MYO3A: variants seen among roughly 807,000 people sequenced by gnomAD.
MYO3A encodes myosin-IIIa.
Under a neutral mutation model 192.7 loss-of-function variants are expected in MYO3A, and 180 were observed. That is an observed-to-expected ratio of 0.93 (90% CI 0.83 to 1.06). The LOEUF is 1.06. Among genes scored for constraint, MYO3A ranks in the 50% least tolerant of loss-of-function variants. MYO3A has a pLI of 0.00. For missense variants in MYO3A, 1,896 were observed against 1,905.0 expected (o/e 1.00, Z 0.09); for synonymous variants, 628 against 645.3 (o/e 0.97, Z 0.41).
intron 20 of MYO3A, among the ~76,000 whole-genome samples, chr10:26,132,196 C>G (rs543047065): frequency 6.6e-6 from 1 of 152,060 alleles, no homozygotes; most frequent in Non-Finnish European, 1.5e-5. Flanking sequence ...GGTTTTCTTC[C>G]GTCGGAAAGG....
At chr10:26,154,093 A>G (rs1159870039) in intron 24 of MYO3A, among the ~76,000 whole-genome samples, 164 bp downstream of exon 24, 1 of 152,168 alleles carries the variant, frequency 6.6e-6, no homozygotes, top group African/African-American at 2.4e-5. Flanking sequence ...TGTTACTGCT[A>G]GGGGCTAAAA....
chr10:26,024,144 TCTC>T, intron 9 of MYO3A, 57 bp downstream of exon 9: 1 of 1,463,514 alleles, frequency 6.8e-7, no homozygotes, highest in African/African-American at 1.4e-5. Flanking sequence ...TATAACTAAA[TCTC>T]CTCCTATTTC....
chr10:26,099,462 T>C (rs566969396), intron 17 of MYO3A, among the ~76,000 whole-genome samples: 1 of 152,308 alleles, frequency 6.6e-6, no homozygotes, highest in Non-Finnish European at 1.5e-5. Flanking sequence ...ATAGGAGTGG[T>C]GAGAGAGGGC....
intron 26 of MYO3A, among the ~76,000 whole-genome samples, chr10:26,158,275 C>T (rs1396832946): frequency 2.7e-5 from 4 of 148,364 alleles, no homozygotes; most frequent in African/African-American, 5.0e-5. Flanking sequence ...TTTTTTGAGA[C>T]GGAGTCTGGC....
At chr10:26,192,184 G>T (rs2132144785) in intron 31 of MYO3A, among the ~76,000 whole-genome samples, 1 of 152,312 alleles carries the variant, frequency 6.6e-6, no homozygotes, top group East Asian at 1.9e-4. Context: ...ATCACCAGAG[G>T]CTCTGACGGT....
At chr10:25,968,225 T>G (rs1838383119) in intron 4 of MYO3A, among the ~76,000 whole-genome samples, 1 of 152,224 alleles carries the variant, frequency 6.6e-6, no homozygotes, top group African/African-American at 2.4e-5. Flanking sequence ...GCCACTGGTT[T>G]GTCATCAAAT....
intron 4 of MYO3A, among the ~76,000 whole-genome samples, chr10:25,985,953 C>A (rs749268159): frequency 6.6e-6 from 1 of 152,094 alleles, no homozygotes; most frequent in Non-Finnish European, 1.5e-5. Context: ...TGCAAAAATC[C>A]TCAACAAAAT....
intron 2 of MYO3A, among the ~76,000 whole-genome samples, chr10:25,941,955 A>C (rs1239538287): frequency 6.7e-6 from 1 of 150,176 alleles, no homozygotes; most frequent in African/African-American, 2.4e-5. Context: ...CTTTCTTTTT[A>C]AGGCTGAATA....
intron 2 of MYO3A, among the ~76,000 whole-genome samples, chr10:25,942,361 G>A (rs187791201): frequency 2.2e-3 from 329 of 152,260 alleles, no homozygotes; most frequent in African/African-American, 7.3e-3. Context: ...GGACATGTAG[G>A]TTGTTTCTGT....
At chr10:26,015,447 C>T (rs1841938005) in intron 6 of MYO3A, among the ~76,000 whole-genome samples, 4 of 152,106 alleles carry the variant, frequency 2.6e-5, no homozygotes, top group Admixed American at 2.6e-4. Context: ...TTATGTCAAT[C>T]ATTTTAATAG....
intron 10 of MYO3A, among the ~76,000 whole-genome samples, chr10:26,039,021 TTTTGTTTGTTTG>T (rs138198989): frequency 1.6e-4 from 24 of 150,660 alleles, no homozygotes; most frequent in South Asian, 1.1e-3. Context: ...ATGAATGAGT[TTTTGTTTGTTTG>T]TTTGTTTGTT....
chr10:26,009,425 G>A (rs890760210), intron 6 of MYO3A, among the ~76,000 whole-genome samples: 2 of 151,996 alleles, frequency 1.3e-5, no homozygotes, highest in Non-Finnish European at 2.9e-5. Context: ...AATACAAAAA[G>A]CAGTCTCACA....
intron 2 of MYO3A, among the ~76,000 whole-genome samples, chr10:25,936,810 A>G (rs1836100944): frequency 6.6e-6 from 1 of 152,282 alleles, no homozygotes; most frequent in East Asian, 1.9e-4. Flanking sequence ...ATGCTTTTCT[A>G]AAGGGCTTCT....
chr10:25,991,286 T>A (rs933883757), intron 4 of MYO3A, among the ~76,000 whole-genome samples: 3 of 152,264 alleles, frequency 2.0e-5, no homozygotes, highest in Non-Finnish European at 4.4e-5. Context: ...TTTTTTCATG[T>A]GTCTGTTGGC....
In MYO3A at chr10:26,039,188, G is replaced by A. The variant is rs905720226; in HGVS notation, c.953+12656G>A. 2.7e-5 allele frequency among the ~76,000 whole-genome samples: 4 copies of A among 148,586 alleles called. No homozygotes were observed. In the South Asian group the frequency reaches 6.4e-4, roughly 24 times the overall value. On this transcript the variant is annotated intron_variant, in intron 10 of 34. Transcript: ENST00000642920. ...CCTGAACAGCTGGGATTACAGGCAGGCACCACCAGGCTCGGCTAATTTTTT... is the reference window on the plus strand; with the variant it reads ...CCTGAACAGCTGGGATTACAGGCAGACACCACCAGGCTCGGCTAATTTTTT...
intron 15 of MYO3A, among the ~76,000 whole-genome samples, chr10:26,095,575 T>C (rs1836968026): frequency 6.6e-6 from 1 of 152,154 alleles, no homozygotes; most frequent in Non-Finnish European, 1.5e-5. Context: ...AGTGTGATTT[T>C]TCCCTGGAGC....
chr10:25,982,313 T>C (rs1459964320), intron 4 of MYO3A, among the ~76,000 whole-genome samples: 1 of 152,108 alleles, frequency 6.6e-6, no homozygotes, highest in African/African-American at 2.4e-5. Context: ...CTACCCACTC[T>C]GGTAGCCAAA....
intron 10 of MYO3A, among the ~76,000 whole-genome samples, chr10:26,054,952 C>T (rs1243646579): frequency 6.6e-6 from 1 of 152,186 alleles, no homozygotes; most frequent in African/African-American, 2.4e-5. Flanking sequence ...GTTATAGCAG[C>T]AATGGGAAAC....
chr10:26,075,767 CTCAT>C (rs1204784021), intron 14 of MYO3A, among the ~76,000 whole-genome samples: 5 of 145,922 alleles, frequency 3.4e-5, no homozygotes, highest in Non-Finnish European at 6.0e-5. Context: ...ATATGTCTCT[CTCAT>C]ATATATATGA....
Sources: gnomAD v4.1 joint callset for allele counts (sites outside exome capture counted in the v4.1 genomes callset) on GRCh38, gnomAD v4.1.1 for gene constraint, MANE v1.5 for transcripts, NCBI Gene and HGNC (gene_info 2026-07-23, HGNC 2026-07-21) for gene names.